The following CSMD1 variants were observed in gnomAD, a reference collection of about 807,000 sequenced individuals.
CSMD1 encodes CUB and sushi domain-containing protein 1.
In CSMD1, 213 loss-of-function variants were observed where a neutral mutation model predicts 417.5. That is an observed-to-expected ratio of 0.51 (90% CI 0.46 to 0.57). CSMD1 has a LOEUF of 0.57. CSMD1 is among the 20% of genes least tolerant of loss of function. The pLI is 0.00. For synonymous variants in CSMD1, 2,862 were observed against 1,736.8 expected, an observed-to-expected ratio of 1.65 and a Z score of -16.11; for missense variants, 6,923 against 4,529.7, an observed-to-expected ratio of 1.53 and a Z score of -15.17.
chr8:2,951,443 CAAAA>C (rs1186380471), intron 65 of CSMD1, among the ~76,000 whole-genome samples, 168 bp from the exon 66 acceptor site: 1 of 152,136 alleles, frequency 6.6e-6, no homozygotes, highest in Non-Finnish European at 1.5e-5. Context: ...GTGCAAAACT[CAAAA>C]GAAGCAGGTG....
intron 6 of CSMD1, among the ~76,000 whole-genome samples, chr8:3,717,226 T>C (rs1410900419): frequency 6.6e-6 from 1 of 152,222 alleles, no homozygotes; most frequent in Admixed American, 6.5e-5. Flanking sequence ...TTAGTAAACG[T>C]ACCTTTCCAT....
At chr8:3,807,326 C>G (rs1171090411) in intron 5 of CSMD1, among the ~76,000 whole-genome samples, 1 of 152,076 alleles carries the variant, frequency 6.6e-6, no homozygotes, top group African/African-American at 2.4e-5. Context: ...TGGTTTTGTA[C>G]TTGACAAAGA....
At chr8:4,363,871 T>G (rs984365016) in intron 3 of CSMD1, among the ~76,000 whole-genome samples, 1 of 152,048 alleles carries the variant, frequency 6.6e-6, no homozygotes, top group African/African-American at 2.4e-5. Flanking sequence ...CTCATGGACA[T>G]AGAGAGTAAA....
intron 2 of CSMD1, among the ~76,000 whole-genome samples, chr8:4,585,605 G>A (rs536140866): frequency 6.6e-6 from 1 of 151,932 alleles, no homozygotes; most frequent in African/African-American, 2.4e-5. Context: ...ATTACAAAGA[G>A]AAAAATTTTA....
intron 2 of CSMD1, among the ~76,000 whole-genome samples, chr8:4,453,536 C>T (rs1041739095): frequency 7.2e-5 from 11 of 152,342 alleles, no homozygotes; most frequent in African/African-American, 2.6e-4. Context: ...GCAGAGAACA[C>T]AGCCGACAGA....
intron 3 of CSMD1, among the ~76,000 whole-genome samples, chr8:4,404,165 T>C (rs115461617): frequency 2.1e-3 from 324 of 152,258 alleles, no homozygotes; most frequent in African/African-American, 7.6e-3. Context: ...TCCGGAACAC[T>C]CTATTTAATA....
At chr8:3,978,510 C>T (rs919760489) in intron 5 of CSMD1, among the ~76,000 whole-genome samples, 2 of 152,234 alleles carry the variant, frequency 1.3e-5, no homozygotes, top group South Asian at 2.1e-4. Flanking sequence ...CATTCTACCA[C>T]GCAGCCTGAA....
intron 27 of CSMD1, among the ~76,000 whole-genome samples, chr8:3,225,449 C>T (rs1798441650): frequency 6.6e-6 from 1 of 151,580 alleles, no homozygotes; most frequent in African/African-American, 2.4e-5. Context: ...ACAGCTCTCA[C>T]AGGGCAGTGC....
At position 4,476,768 on chromosome 8, in the gene CSMD1, T is replaced by C. The variant is rs140391949; in HGVS notation, c.303-56703A>G. Among the ~76,000 whole-genome samples, 484 of 152,298 alleles carry C rather than the reference T, an allele frequency of 3.2e-3. 2 individuals carry two copies. Among genetic ancestry groups the C allele is most frequent in the African/African-American group, 0.011 (467 of 41,556 alleles). ...CCTCCGTTTGTTCATATGTAAGGAT[T>C]AGATGGCACAGAGAGCACCTGACAC... On this transcript the variant is annotated intron_variant, in intron 2 of 69. Transcript: ENST00000635120.
At chr8:3,353,822 T>C (rs978609560) in intron 21 of CSMD1, among the ~76,000 whole-genome samples, 3 of 152,238 alleles carry the variant, frequency 2.0e-5, no homozygotes, top group Non-Finnish European at 4.4e-5. Flanking sequence ...AAATGTTAAC[T>C]ATAATTGAAT....
At chr8:3,109,162 G>A (rs1035107052) in intron 43 of CSMD1, among the ~76,000 whole-genome samples, 6 of 152,220 alleles carry the variant, frequency 3.9e-5, no homozygotes, top group Non-Finnish European at 8.8e-5. Context: ...CTACTCGGCA[G>A]GCTAAGGCAG....
At chr8:3,451,926 C>T (rs1315958869) in intron 12 of CSMD1, among the ~76,000 whole-genome samples, 1 of 152,094 alleles carries the variant, frequency 6.6e-6, no homozygotes, top group Non-Finnish European at 1.5e-5. Flanking sequence ...ATTTTCACGA[C>T]ATTGATTCTT....
rs530857401 is a variant in CSMD1, at chr8:4,013,686, G to A, written c.611-15576C>T. Among the ~76,000 whole-genome samples, 5 of 152,280 alleles carry A rather than the reference G, an allele frequency of 3.3e-5. No homozygotes were observed. The South Asian group carries it at 8.3e-4, about 25-fold the overall frequency. ...TCTGCAAAGATTGGAATTCTTTCTT[G>A]TTTTGTTCATATTGTAGCCCCAGCA... On this transcript the variant is annotated intron_variant, in intron 4 of 69. Coordinates refer to ENST00000635120, the MANE Select transcript of CSMD1 (RefSeq NM_033225.6).
rs530033228 is a variant in CSMD1, at chr8:4,251,043, T to G, written c.415+168910A>C. 3.7e-4 allele frequency among the ~76,000 whole-genome samples: 56 copies of G among 152,320 alleles called. 1 individual carries two copies. The highest frequency in any genetic ancestry group is 1.3e-3 in the African/African-American group (56 of 41,574). Reference sequence around the variant, plus strand: ...ATATTTTTAGATACTGGACACAAATTCAAGCCAGTAATCTGCAGGTGCTTG... The same window carrying G: ...ATATTTTTAGATACTGGACACAAATGCAAGCCAGTAATCTGCAGGTGCTTG... On this transcript the variant is annotated intron_variant, in intron 3 of 69. Transcript: ENST00000635120.
Position 3,087,224 on chromosome 8 carries a change from T to C in CSMD1, c.7347A>G (p.Gly2449=). The part of the protein sequence containing the change: ...KNGGILNRTA[G]AVGSKVHYFC... ...AATAATGCACTTTGCTTCCAACCGC[T>C]CCTGCAGTCCTGTTTAGAATACCCC... Residue 2449 remains glycine (G), a synonymous_variant, in exon 49 of 70, where the codon GGA becomes GGG. Transcript: ENST00000635120. 6.2e-7 allele frequency: 1 copy of C among 1,613,928 alleles called. No homozygotes were observed. Among genetic ancestry groups the C allele is most frequent in the South Asian group, 1.1e-5 (1 of 91,068 alleles).
At chr8:4,243,312 T>G (rs531926265) in intron 3 of CSMD1, among the ~76,000 whole-genome samples, 1 of 152,120 alleles carries the variant, frequency 6.6e-6, no homozygotes, top group Non-Finnish European at 1.5e-5. Context: ...GGCTCTTGGC[T>G]AAATCTGAAA....
intron 3 of CSMD1, among the ~76,000 whole-genome samples, chr8:4,066,724 G>A (rs915947795): frequency 7.2e-5 from 11 of 152,102 alleles, no homozygotes; most frequent in African/African-American, 2.7e-4. Flanking sequence ...TGTTTGGGAC[G>A]AGAGTGAAGA....
intron 5 of CSMD1, among the ~76,000 whole-genome samples, chr8:3,877,312 C>T (rs1805890730): frequency 6.6e-6 from 1 of 152,170 alleles, no homozygotes; most frequent in African/African-American, 2.4e-5. Flanking sequence ...GCTGGGAGCC[C>T]TCCAGGTGTC....
intron 3 of CSMD1, among the ~76,000 whole-genome samples, chr8:4,269,295 C>G (rs778380443): frequency 2.8e-4 from 43 of 152,110 alleles, no homozygotes; most frequent in African/African-American, 9.9e-4. Context: ...AACTCTTGAT[C>G]TCAGGTGATC....
Sources: allele counts gnomAD v4.1 joint callset (sites outside exome capture counted in the v4.1 genomes callset), GRCh38; gene constraint gnomAD v4.1.1; transcripts MANE v1.5; gene names NCBI Gene and HGNC (gene_info 2026-07-23, HGNC 2026-07-21).